The following SCAI variants were observed in gnomAD, a reference collection of about 807,000 sequenced individuals.
SCAI encodes the protein protein SCAI.
Under a neutral mutation model 92.2 loss-of-function variants are expected in SCAI, and 24 were observed. The ratio of observed to expected loss-of-function variants is 0.26; its 90% CI spans 0.19 to 0.37. The LOEUF (loss-of-function observed/expected upper bound fraction) is 0.37, where lower values mean the gene tolerates loss of function less well. SCAI is among the 10% of genes least tolerant of loss of function. The pLI is 1.00. For missense variants in SCAI, 450 were observed against 736.2 expected, an observed-to-expected ratio of 0.61 and a Z score of 4.50; for synonymous variants, 261 against 258.6, an observed-to-expected ratio of 1.01 and a Z score of -0.09.
intron 5 of SCAI, among the ~76,000 whole-genome samples, chr9:125,028,137 A>G (rs899429145): frequency 2.0e-5 from 3 of 152,248 alleles, no homozygotes; most frequent in Non-Finnish European, 4.4e-5. Flanking sequence ...ATCTAAAACC[A>G]AGATCAAATT....
chr9:124,987,043 T>C (rs1174225570), intron 14 of SCAI, among the ~76,000 whole-genome samples: 1 of 151,714 alleles, frequency 6.6e-6, no homozygotes, highest in Non-Finnish European at 1.5e-5. Context: ...ACTGAGGGCC[T>C]TTTTTTTGAG....
intron 3 of SCAI, among the ~76,000 whole-genome samples, chr9:125,034,135 C>G (rs1445345120): frequency 6.6e-6 from 1 of 152,074 alleles, no homozygotes; most frequent in East Asian, 1.9e-4. Context: ...GGGGGCAGTT[C>G]CCAAAACTTA....
chr9:125,066,189 A>T, intron 2 of SCAI: 1 of 519,634 alleles, frequency 1.9e-6, no homozygotes, highest in Non-Finnish European at 3.4e-6. Context: ...GGTTTAGCAA[A>T]GTTTCTGGAT....
chr9:125,104,278 G>A (rs1442304512), intron 2 of SCAI, among the ~76,000 whole-genome samples: 1 of 152,106 alleles, frequency 6.6e-6, no homozygotes, highest in African/African-American at 2.4e-5. Flanking sequence ...TTGGAAAAAC[G>A]ACAAAGGAGT....
At chr9:125,018,486 A>G (rs1832806802) in intron 9 of SCAI, among the ~76,000 whole-genome samples, 1 of 152,214 alleles carries the variant, frequency 6.6e-6, no homozygotes, top group Non-Finnish European at 1.5e-5. Flanking sequence ...GATAGTTGTA[A>G]CATTTCTTCC....
intron 2 of SCAI, among the ~76,000 whole-genome samples, chr9:125,088,382 T>C (rs969567029): frequency 2.0e-5 from 3 of 152,166 alleles, no homozygotes; most frequent in Admixed American, 6.5e-5. Context: ...ATTCTCCTGA[T>C]AGTAAGTTCT....
At chr9:125,072,964 T>C (rs1231498456) in intron 2 of SCAI, among the ~76,000 whole-genome samples, 3 of 152,186 alleles carry the variant, frequency 2.0e-5, no homozygotes, top group Non-Finnish European at 4.4e-5. Flanking sequence ...GCTGCCATGT[T>C]ATAACTACTG....
intron 2 of SCAI, among the ~76,000 whole-genome samples, chr9:125,099,044 G>A (rs974765629): frequency 6.6e-6 from 1 of 152,060 alleles, no homozygotes; most frequent in Admixed American, 6.6e-5. Context: ...TTTAAAAACA[G>A]ATTTACTTGT....
intron 3 of SCAI, among the ~76,000 whole-genome samples, chr9:125,043,509 G>A (rs746129150): frequency 1.3e-5 from 2 of 152,032 alleles, no homozygotes; most frequent in Non-Finnish European, 2.9e-5. Context: ...CCTCCAGGCC[G>A]GTGTGCAATG....
In SCAI at chr9:125,125,220, T is replaced by TA. The variant is rs566306428; in HGVS notation, c.98+17412dup. Among the ~76,000 whole-genome samples the TA allele has an allele frequency of 1.7e-4, 25 of 150,762 alleles. 1 individual carries two copies. Among genetic ancestry groups the TA allele is most frequent in the Middle Eastern group, 3.4e-3 (1 of 292 alleles). On this transcript the variant is annotated intron_variant, in intron 2 of 17. Transcript: ENST00000336505. ...TGAGAGACAGAGCGAAACTCTGTCT[T>TA]AAAAAAAATAAAATTAAATTTAAAA...
At chr9:125,017,866 G>A (rs1832793466) in intron 9 of SCAI, among the ~76,000 whole-genome samples, 1 of 151,768 alleles carries the variant, frequency 6.6e-6, no homozygotes, top group Non-Finnish European at 1.5e-5. Flanking sequence ...AATTAGCCGG[G>A]TGTGGTGGTA....
At chr9:125,070,110 TGTTA>T (rs1194113503) in intron 2 of SCAI, among the ~76,000 whole-genome samples, 2 of 152,160 alleles carry the variant, frequency 1.3e-5, no homozygotes, top group Admixed American at 6.5e-5. Flanking sequence ...ACCATGAAAT[TGTTA>T]GTTGCAAAAT....
intron 7 of SCAI, among the ~76,000 whole-genome samples, chr9:125,020,162 A>C (rs1417399026): frequency 6.6e-6 from 1 of 152,156 alleles, no homozygotes; most frequent in Admixed American, 6.6e-5. Flanking sequence ...TATGCCATTG[A>C]AACTATTGAA....
At chr9:124,976,718 A>G (rs1831764461) in intron 14 of SCAI, among the ~76,000 whole-genome samples, 1 of 152,238 alleles carries the variant, frequency 6.6e-6, no homozygotes, top group East Asian at 1.9e-4. Flanking sequence ...CCCTGAAGGT[A>G]TATCTACAAG....
intron 17 of SCAI, among the ~76,000 whole-genome samples, chr9:124,970,778 G>A (rs1831642613): frequency 6.6e-6 from 1 of 152,044 alleles, no homozygotes. Flanking sequence ...TTGAGAGGGA[G>A]ATAGGATCAG....
chr9:125,054,208 C>T (rs192552879), intron 3 of SCAI, among the ~76,000 whole-genome samples: 1 of 152,234 alleles, frequency 6.6e-6, no homozygotes, highest in South Asian at 2.1e-4. Flanking sequence ...CTCCTGGGCT[C>T]AAGTGATCCT....
intron 2 of SCAI, among the ~76,000 whole-genome samples, chr9:125,076,770 C>G (rs969949260): frequency 2.0e-5 from 3 of 152,070 alleles, no homozygotes; most frequent in Non-Finnish European, 2.9e-5. Flanking sequence ...GTGATCTCAG[C>G]TCACTGCAAC....
In SCAI at chr9:124,950,019, T is replaced by C. The variant is rs1174178982; in HGVS notation, c.*2788A>G. On this transcript the variant is annotated 3_prime_UTR_variant, in exon 18 of 18. Transcript: ENST00000336505. ...GGGGCAACATCATAAGGGTCAATGT[T>C]GTGATTTCTAAGACCCTCATTTTTA... 1.3e-5 allele frequency: 2 copies of C among 152,178 alleles called. No individual in the cohort carries two copies. Among genetic ancestry groups the C allele is most frequent in the Admixed American group, 1.3e-4 (2 of 15,272 alleles). The allele number at this position is 152,178 out of a possible 1,614,324, so 9.4% of individuals were successfully genotyped here.
At chr9:125,042,634 T>C (rs375827819) in intron 3 of SCAI, among the ~76,000 whole-genome samples, 16,958 of 95,794 alleles carry the variant, frequency 0.18, 1,442 homozygotes, top group East Asian at 0.23. Flanking sequence ...TGTGTGTGTG[T>C]ACACACACAC....
Sources: gnomAD v4.1 joint callset for allele counts (sites outside exome capture counted in the v4.1 genomes callset) on GRCh38, gnomAD v4.1.1 for gene constraint, MANE v1.5 for transcripts, NCBI Gene and HGNC (gene_info 2026-07-23, HGNC 2026-07-21) for gene names.